Variants in PTPRM observed in about 807,000 individuals in gnomAD.
PTPRM encodes receptor-type tyrosine-protein phosphatase mu.
In PTPRM, 47 loss-of-function variants were observed where a neutral mutation model predicts 186.7. The observed-to-expected ratio is 0.25, with a 90% CI of 0.20 to 0.32. The LOEUF (loss-of-function observed/expected upper bound fraction) is 0.32. Ranked by LOEUF, PTPRM falls within the 10% of genes least tolerant of loss-of-function variation. The probability of loss-of-function intolerance (pLI) is 1.00; values close to 1 mark genes in which losing one functional copy is unlikely to be tolerated. For missense variants in PTPRM, 1,494 were observed against 1,865.0 expected, an observed-to-expected ratio of 0.80 and a Z score of 3.66; for synonymous variants, 668 against 674.9, an observed-to-expected ratio of 0.99 and a Z score of 0.16.
At chr18:7,940,078 A>T (rs2052071296) in intron 5 of PTPRM, among the ~76,000 whole-genome samples, 1 of 152,152 alleles carries the variant, frequency 6.6e-6, no homozygotes, top group African/African-American at 2.4e-5. Context: ...CCTGACTTGC[A>T]GCAAAGGAAT....
intron 1 of PTPRM, among the ~76,000 whole-genome samples, chr18:7,574,758 G>A (rs185347314): frequency 4.9e-4 from 75 of 152,336 alleles, no homozygotes; most frequent in African/African-American, 1.8e-3. Flanking sequence ...TCGGCCAGGC[G>A]CGGTGGCTCA....
intron 1 of PTPRM, among the ~76,000 whole-genome samples, chr18:7,714,540 A>G (rs1464306596): frequency 6.6e-6 from 1 of 152,200 alleles, no homozygotes; most frequent in Non-Finnish European, 1.5e-5. Flanking sequence ...AAGGAGACAG[A>G]GACACGAAAA....
intron 7 of PTPRM, 69 bp from the exon 8 acceptor site, chr18:8,069,617 C>A: frequency 7.3e-7 from 1 of 1,372,708 alleles, no homozygotes; most frequent in Non-Finnish European, 1.0e-6. Context: ...TATCTGTGAC[C>A]TTTGGGATTG....
chr18:7,582,763 T>C (rs2036878663), intron 1 of PTPRM, among the ~76,000 whole-genome samples: 1 of 152,216 alleles, frequency 6.6e-6, no homozygotes, highest in East Asian at 1.9e-4. Flanking sequence ...AGTTGTTAAC[T>C]TCGGTGAACT....
At chr18:7,685,242 A>C (rs946458042) in intron 1 of PTPRM, among the ~76,000 whole-genome samples, 4 of 152,170 alleles carry the variant, frequency 2.6e-5, no homozygotes, top group African/African-American at 9.7e-5. Context: ...CTGCTGGAAC[A>C]AGCCCAAGCT....
intron 14 of PTPRM, among the ~76,000 whole-genome samples, chr18:8,209,101 C>T (rs12954264): frequency 0.27 from 40,775 of 152,008 alleles, 5,646 homozygotes; most frequent in Middle Eastern, 0.5. Flanking sequence ...GGAGTCCCGT[C>T]GGAAGGTTTT....
intron 14 of PTPRM, among the ~76,000 whole-genome samples, chr18:8,239,334 GT>G (rs1232069681): frequency 1.3e-5 from 2 of 151,988 alleles, no homozygotes; most frequent in African/African-American, 4.8e-5. Flanking sequence ...AGCAGGCTTT[GT>G]TAAGAACAGA....
At chr18:8,352,453 C>G (rs1311685586) in intron 23 of PTPRM, among the ~76,000 whole-genome samples, 2 of 152,236 alleles carry the variant, frequency 1.3e-5, no homozygotes, top group African/African-American at 4.8e-5. Flanking sequence ...TCTCTCCTCC[C>G]TTTTATATTC....
chr18:7,742,069 A>G (rs2040894598), intron 1 of PTPRM: 1 of 152,232 alleles, frequency 6.6e-6, no homozygotes, highest in African/African-American at 2.4e-5. Context: ...GTTTGAAGGA[A>G]GACAAGATGT....
chr18:7,695,961 CACTG>C (rs2039834857), intron 1 of PTPRM, among the ~76,000 whole-genome samples: 1 of 152,208 alleles, frequency 6.6e-6, no homozygotes, highest in Non-Finnish European at 1.5e-5. Context: ...CCATAGATGA[CACTG>C]ACAGCATTAT....
chr18:8,156,024 A>G (rs2093113896), intron 14 of PTPRM, among the ~76,000 whole-genome samples: 1 of 152,232 alleles, frequency 6.6e-6, no homozygotes, highest in Non-Finnish European at 1.5e-5. Flanking sequence ...GCATGCTTGG[A>G]ACAGGCCATA....
chr18:8,121,162 C>A (rs2092157489), intron 13 of PTPRM, among the ~76,000 whole-genome samples: 1 of 152,160 alleles, frequency 6.6e-6, no homozygotes, highest in Non-Finnish European at 1.5e-5. Flanking sequence ...AAGACTGTTA[C>A]ACCATTTTTA....
rs568860986 is a variant in PTPRM, at chr18:7,901,367, G to GTTT, written c.469-5130_469-5128dup. Among the ~76,000 whole-genome samples, 543 of 149,566 alleles carry GTTT rather than the reference G, an allele frequency of 3.6e-3. 5 individuals are homozygous for GTTT. Among genetic ancestry groups the GTTT allele is most frequent in the African/African-American group, 0.013 (517 of 40,816 alleles). On this transcript the variant is annotated intron_variant, in intron 3 of 32. Transcript: ENST00000580170. ...ATGACCCTCATCCTTTGAGCTGCAT[G>GTTT]TTTTTTTTTTCTTTTTTGATAACGG...
At chr18:7,698,750 A>G (rs2039896106) in intron 1 of PTPRM, among the ~76,000 whole-genome samples, 1 of 152,152 alleles carries the variant, frequency 6.6e-6, no homozygotes. Context: ...TGCACATACT[A>G]CTAACACTTG....
intron 23 of PTPRM, among the ~76,000 whole-genome samples, chr18:8,358,541 T>C (rs1286681172): frequency 6.6e-6 from 1 of 152,202 alleles, no homozygotes; most frequent in African/African-American, 2.4e-5. Context: ...TCATCTCTCT[T>C]GCTGGTTCTG....
rs139052003 is a variant in PTPRM at position 8,006,290 on chromosome 18, A to T, written c.1132+50876A>T. On this transcript the variant is annotated intron_variant, in intron 7 of 32. Transcript: ENST00000580170. ...AGTGAAATTTAAATTTCCTTATAAA[A>T]CTTCATTTTAAGAATAATGGGCCTG... is the stretch of plus-strand genomic sequence containing the variant. 2.1e-3 allele frequency among the ~76,000 whole-genome samples: 324 copies of T among 152,284 alleles called. 4 individuals are homozygous for T. Among genetic ancestry groups the T allele is most frequent in the African/African-American group, 7.4e-3 (309 of 41,562 alleles).
At chr18:7,932,664 A>G (rs768810844) in intron 5 of PTPRM, among the ~76,000 whole-genome samples, 1 of 151,938 alleles carries the variant, frequency 6.6e-6, no homozygotes, top group Non-Finnish European at 1.5e-5. Context: ...TCTCAGATTT[A>G]CTGTGATTTA....
chr18:7,615,088 G>T lies in PTPRM; in HGVS notation c.73+47197G>T, dbSNP rs2037770298. On this transcript the variant is annotated intron_variant, in intron 1 of 32. Coordinates refer to ENST00000580170, the MANE Select transcript of PTPRM (RefSeq NM_001105244.2). ...TGATGTTCCCATAGATTATAATTGA[G>T]AATTTTTAGGAAGGTTCTTCAAAAT... Among the ~76,000 whole-genome samples, 4 of 151,954 alleles carry T rather than the reference G, an allele frequency of 2.6e-5. No individual in the cohort carries two copies. The South Asian group carries it at 8.3e-4, about 32-fold the overall frequency.
At chr18:7,904,767 G>A (rs1437345024) in intron 3 of PTPRM, among the ~76,000 whole-genome samples, 2 of 152,090 alleles carry the variant, frequency 1.3e-5, no homozygotes, top group Non-Finnish European at 2.9e-5. Context: ...ACATTTCTGT[G>A]GGATGAATCT....
Sources: gnomAD v4.1 joint callset for allele counts (sites outside exome capture counted in the v4.1 genomes callset) on GRCh38, gnomAD v4.1.1 for gene constraint, MANE v1.5 for transcripts, NCBI Gene and HGNC (gene_info 2026-07-23, HGNC 2026-07-21) for gene names.